The following PRKD3 variants were observed in gnomAD, a reference collection of about 807,000 sequenced individuals.
PRKD3 encodes serine/threonine-protein kinase D3.
A neutral mutation model predicts 99.2 loss-of-function variants in PRKD3; 47 were observed. The ratio of observed to expected loss-of-function variants is 0.47; its 90% CI spans 0.38 to 0.60. PRKD3 has a LOEUF of 0.60. Among genes scored for constraint, PRKD3 ranks in the 20% least tolerant of loss-of-function variants. The pLI, the probability that PRKD3 is intolerant of heterozygous loss-of-function variation, is 0.00. For missense variants in PRKD3, 1,019 were observed against 1,088.4 expected (o/e 0.94, Z 0.90); for synonymous variants, 392 against 355.4 (o/e 1.10, Z -1.16).
intron 6 of PRKD3, among the ~76,000 whole-genome samples, 169 bp downstream of exon 6, chr2:37,286,008 A>G (rs1670076618): frequency 6.6e-6 from 1 of 152,224 alleles, no homozygotes; most frequent in South Asian, 2.1e-4. Context: ...GATAGTAGTA[A>G]TAGTAGTTTA....
chr2:37,278,518 C>A (rs766621489), intron 8 of PRKD3: 1 of 152,260 alleles, frequency 6.6e-6, no homozygotes. Context: ...TGTAACAAGT[C>A]AAATCAGCAC....
rs1034607512 is a variant in PRKD3, at chr2:37,286,120, T to C, written c.910+57A>G. On this transcript the variant is annotated intron_variant, in intron 6 of 18. Transcript: ENST00000234179. Reference sequence around the variant, plus strand: ...TTCTGAAATATAAATATTTTAAGCCTATATATAATAACAAAAACAGACATA... The same window carrying C: ...TTCTGAAATATAAATATTTTAAGCCCATATATAATAACAAAAACAGACATA... The C allele has an allele frequency of 3.0e-6, 4 of 1,354,298 alleles. No homozygotes were observed. The African/African-American group carries it at 4.4e-5, about 15-fold the overall frequency. The allele number at this position is 1,354,298 out of a possible 1,614,324, so 83.9% of individuals were successfully genotyped here.
chr2:37,259,864 T>G (rs573798924), intron 15 of PRKD3, among the ~76,000 whole-genome samples, 183 bp from the exon 16 acceptor site: 11 of 152,278 alleles, frequency 7.2e-5, no homozygotes, highest in African/African-American at 2.4e-4. Flanking sequence ...AGTACTGCTA[T>G]TTAATTATTT....
intron 12 of PRKD3, among the ~76,000 whole-genome samples, chr2:37,271,439 T>C (rs1030059260): frequency 1.3e-5 from 2 of 152,334 alleles, no homozygotes; most frequent in East Asian, 1.9e-4. Flanking sequence ...TGTTCACTTA[T>C]GTATTGCCTA....
intron 2 of PRKD3, among the ~76,000 whole-genome samples, chr2:37,309,278 C>T (rs987783424): frequency 2.6e-5 from 4 of 151,966 alleles, no homozygotes; most frequent in Non-Finnish European, 5.9e-5. Context: ...GTTAGTTTTC[C>T]TGTACCTCTT....
rs573715042 is a variant in PRKD3 at position 37,284,617 on chromosome 2, A to T, written c.910+1560T>A. On this transcript the variant is annotated intron_variant, in intron 6 of 18. Transcript: ENST00000234179. ...CAATACATTTTTAGGTTGATATTTTAAAGTATTAATTTATGTAGTAACTCA... is the reference window on the plus strand; with the variant it reads ...CAATACATTTTTAGGTTGATATTTTTAAGTATTAATTTATGTAGTAACTCA... Among the ~76,000 whole-genome samples the T allele has an allele frequency of 4.6e-5, 7 of 152,300 alleles. No individual in the cohort carries two copies. In the South Asian group the frequency reaches 8.3e-4, roughly 18 times the overall value.
At chr2:37,254,373 C>T in intron 17 of PRKD3, 84 bp from the exon 18 acceptor site, 1 of 1,016,762 alleles carries the variant, frequency 9.8e-7, no homozygotes. Flanking sequence ...GCAGTTCAAC[C>T]CATAGAAATA....
chr2:37,321,594 T>C (rs1423897172), intron 1 of PRKD3, among the ~76,000 whole-genome samples: 3 of 152,240 alleles, frequency 2.0e-5, no homozygotes, highest in Non-Finnish European at 2.9e-5. Flanking sequence ...CAGACTGTTA[T>C]GAGAGACACT....
chr2:37,273,658 C>A (rs1363429743), intron 11 of PRKD3, among the ~76,000 whole-genome samples: 3 of 152,146 alleles, frequency 2.0e-5, no homozygotes, highest in Non-Finnish European at 2.9e-5. Context: ...CAGGGCCTAG[C>A]ATAATAGTTG....
intron 2 of PRKD3, among the ~76,000 whole-genome samples, chr2:37,304,556 C>G (rs1671074700): frequency 6.6e-6 from 1 of 152,034 alleles, no homozygotes; most frequent in Non-Finnish European, 1.5e-5. Flanking sequence ...GCCTGGCCAA[C>G]ATGCTGAAAC....
rs1572716636 is a variant in PRKD3 at position 37,324,780 on chromosome 2, G to T, written c.-755C>A. 1 of 150,872 alleles carries T rather than the reference G, an allele frequency of 6.6e-6. No individual in the cohort carries two copies. Among genetic ancestry groups the T allele is most frequent in the East Asian group, 2.0e-4 (1 of 5,114 alleles). 9.3% of individuals were successfully genotyped at this position (150,872 alleles called of 1,614,324 possible). A position where few individuals can be genotyped will look rare whatever the true frequency, so the allele number is the denominator to read the frequency against. On this transcript the variant is annotated 5_prime_UTR_variant, in exon 1 of 19. Transcript: ENST00000234179. Reference sequence around the variant, plus strand: ...TCACGCGCCTCGCAGGATCCCGCCCGCCTCCGGCGCCCCTTCCTCCCTCCC... The same window carrying T: ...TCACGCGCCTCGCAGGATCCCGCCCTCCTCCGGCGCCCCTTCCTCCCTCCC...
intron 16 of PRKD3, among the ~76,000 whole-genome samples, chr2:37,257,271 T>C (rs1374976036): frequency 1.3e-5 from 2 of 152,196 alleles, no homozygotes; most frequent in Non-Finnish European, 2.9e-5. Context: ...AAGATCACTC[T>C]TCCATCATCT....
chr2:37,305,406 G>T (rs1022889576), intron 2 of PRKD3, among the ~76,000 whole-genome samples: 10 of 152,172 alleles, frequency 6.6e-5, no homozygotes, highest in Non-Finnish European at 1.5e-4. Flanking sequence ...AACTTAAAAT[G>T]AATTGCTGTC....
chr2:37,267,169 G>C (rs1457364100), intron 14 of PRKD3, among the ~76,000 whole-genome samples: 1 of 152,126 alleles, frequency 6.6e-6, no homozygotes, highest in Non-Finnish European at 1.5e-5. Flanking sequence ...GCAACCTTCT[G>C]ACAAAATGTG....
At chr2:37,259,811 G>A in intron 15 of PRKD3, 130 bp from the exon 16 acceptor site, 1 of 632,616 alleles carries the variant, frequency 1.6e-6, no homozygotes, top group Non-Finnish European at 2.8e-6. Flanking sequence ...GTGTTATTCT[G>A]CTCCTTAAGG....
intron 17 of PRKD3, among the ~76,000 whole-genome samples, chr2:37,256,361 T>C (rs1667935907): frequency 6.6e-6 from 1 of 152,142 alleles, no homozygotes; most frequent in African/African-American, 2.4e-5. Flanking sequence ...CAGTAGTGAC[T>C]AGGAAGGACC....
intron 2 of PRKD3, among the ~76,000 whole-genome samples, chr2:37,308,953 T>G (rs1671295462): frequency 6.6e-6 from 1 of 152,154 alleles, no homozygotes; most frequent in Admixed American, 6.5e-5. Flanking sequence ...TTTCTTCTCT[T>G]TCTCTCTTAT....
chr2:37,286,018 A>G (rs1670077223), intron 6 of PRKD3, among the ~76,000 whole-genome samples, 159 bp downstream of exon 6: 1 of 152,236 alleles, frequency 6.6e-6, no homozygotes. Context: ...ATAGTAGTTT[A>G]CACACACATT....
Position 37,316,361 on chromosome 2 carries a change from C to T in PRKD3, c.164G>A (p.Gly55Asp), listed in dbSNP as rs1320371987. The change falls in exon 2 of 19, where the codon GGC (glycine) becomes GAC (aspartate). Residue 55 changes from glycine to aspartate, a missense_variant. By Grantham distance (94) the Gly-to-Asp change is moderately conservative. Around this residue, in one of 3 missense-constraint regions of PRKD3, gnomAD observed 710 missense variants for 692.7 expected, o/e 1.02. Transcript: ENST00000234179. ...TAGAAATGAAACTGTATGCACTGAG[C>T]CTCTGGAGTTGGTGAGTGATGGTGC... The part of the protein sequence containing the change: ...FSAPSLTNSR[G>D]SVHTVSFLLQ... The T allele has an allele frequency of 3.7e-6, 6 of 1,614,050 alleles. No individual in the cohort carries two copies. In the African/African-American group the frequency reaches 6.7e-5, roughly 18 times the overall value.
Sources: allele counts gnomAD v4.1 joint callset (sites outside exome capture counted in the v4.1 genomes callset), GRCh38; gene constraint gnomAD v4.1.1; regional missense constraint gnomAD v4.1.1; transcripts MANE v1.5; gene names NCBI Gene and HGNC (gene_info 2026-07-23, HGNC 2026-07-21).